The following NBAS variants were observed in gnomAD, a reference collection of about 807,000 sequenced individuals.
The protein encoded by NBAS is NAG/BC035112 fusion.
A neutral mutation model predicts 302.5 loss-of-function variants in NBAS; 219 were observed. That is an observed-to-expected ratio of 0.72 (90% CI 0.65 to 0.81). NBAS has a LOEUF of 0.81. Ranked by LOEUF, NBAS falls within the 30% of genes least tolerant of loss-of-function variation. The pLI, the probability that NBAS is intolerant of heterozygous loss-of-function variation, is 0.00. For missense variants in NBAS, 2,932 were observed against 2,841.6 expected (o/e 1.03, Z -0.72); for synonymous variants, 1,118 against 1,021.6 (o/e 1.09, Z -1.80).
the NBAS span, among the ~76,000 whole-genome samples, chr2:15,034,670 G>A: frequency 6.6e-6 from 1 of 152,016 alleles, no homozygotes; most frequent in Non-Finnish European, 1.5e-5. Flanking sequence ...CTTAAGTGCC[G>A]GTGGACTACT....
the NBAS span, among the ~76,000 whole-genome samples, chr2:15,142,061 C>T: frequency 6.6e-6 from 1 of 152,196 alleles, no homozygotes; most frequent in Non-Finnish European, 1.5e-5. Flanking sequence ...CCTCCAATCA[C>T]TGAATATGGA....
At chr2:15,352,382 CT>C (rs1355808474) in intron 34 of NBAS, among the ~76,000 whole-genome samples, 4 of 152,164 alleles carry the variant, frequency 2.6e-5, no homozygotes, top group African/African-American at 7.2e-5. Flanking sequence ...AAAAATTTGA[CT>C]GGGGGGCATA....
chr2:14,887,148 A>G, the NBAS span, among the ~76,000 whole-genome samples: 1 of 152,314 alleles, frequency 6.6e-6, no homozygotes, highest in East Asian at 1.9e-4. Flanking sequence ...TCACGCCTGT[A>G]ATCCCAGCAT....
the NBAS span, among the ~76,000 whole-genome samples, chr2:15,070,212 C>T: frequency 2.0e-5 from 3 of 152,150 alleles, no homozygotes; most frequent in African/African-American, 7.2e-5. Flanking sequence ...CTCTCTGGCC[C>T]CTTAAGTCCA....
At chr2:15,287,719 C>G (rs893673851) in intron 41 of NBAS, among the ~76,000 whole-genome samples, 1 of 151,398 alleles carries the variant, frequency 6.6e-6, no homozygotes, top group Non-Finnish European at 1.5e-5. Flanking sequence ...CATAGGCATC[C>G]CAGGAATCCC....
chr2:15,427,763 A>G lies in NBAS; in HGVS notation c.2371T>C (p.Trp791Arg), dbSNP rs1311218908. The change falls in exon 22 of 52, where the codon TGG becomes CGG. Residue 791 changes from tryptophan to arginine, a missense_variant. By Grantham distance (101) the Trp-to-Arg change is moderately radical. Coordinates refer to ENST00000281513, the MANE Select transcript of NBAS (RefSeq NM_015909.4). ...FNGDSLMIIP[W>R]HEHKHRAKDW... Reference sequence around the variant, plus strand: ...TTAGCTCGGTGTTTATGTTCATGCCAAGGAATGATCATCAGGGAGTCACCG... The same window carrying G: ...TTAGCTCGGTGTTTATGTTCATGCCGAGGAATGATCATCAGGGAGTCACCG... 1 of 1,613,552 alleles carries G rather than the reference A, an allele frequency of 6.2e-7. No individual in the cohort carries two copies. Among genetic ancestry groups the G allele is most frequent in the Admixed American group, 1.7e-5 (1 of 59,968 alleles).
chr2:14,937,964 A>C, the NBAS span, among the ~76,000 whole-genome samples: 1 of 152,084 alleles, frequency 6.6e-6, no homozygotes, highest in Non-Finnish European at 1.5e-5. Context: ...CCCTGTCTCT[A>C]CTAAAAATAC....
the NBAS span, among the ~76,000 whole-genome samples, chr2:15,015,144 T>C: frequency 6.7e-6 from 1 of 148,388 alleles, no homozygotes; most frequent in Non-Finnish European, 1.5e-5. Context: ...TAATAAGAAG[T>C]TTCCCAAAAA....
chr2:15,553,869 TCCCTCTCTCTCTCC>T (rs1664511116), intron 4 of NBAS, among the ~76,000 whole-genome samples, 178 bp downstream of exon 4: 1 of 33,786 alleles, frequency 3.0e-5, no homozygotes, highest in Non-Finnish European at 1.4e-4. Context: ...CCTCCCTCTC[TCCCTCTCTCTCTCC>T]CTCTCTCTCT....
At chr2:15,447,980 T>C (rs1007503225) in intron 21 of NBAS, among the ~76,000 whole-genome samples, 1 of 152,164 alleles carries the variant, frequency 6.6e-6, no homozygotes, top group Admixed American at 6.5e-5. Flanking sequence ...GAAGGCTGTG[T>C]CCTCACATGG....
chr2:15,067,159 C>CAAAAAAAAA, the NBAS span, among the ~76,000 whole-genome samples: 3 of 93,346 alleles, frequency 3.2e-5, no homozygotes, highest in African/African-American at 1.0e-4. Flanking sequence ...CTTATCTCCA[C>CAAAAAAAAA]AAAAAAAAAA....
At chr2:14,870,973 G>A in the NBAS span, among the ~76,000 whole-genome samples, 1 of 151,476 alleles carries the variant, frequency 6.6e-6, no homozygotes, top group Non-Finnish European at 1.5e-5. Flanking sequence ...AAAAAAGTCT[G>A]AGAGTAAAAA....
intron 13 of NBAS, among the ~76,000 whole-genome samples, chr2:15,476,502 C>T (rs1055445610): frequency 1.3e-5 from 2 of 151,970 alleles, no homozygotes; most frequent in African/African-American, 2.4e-5. Context: ...GTGGGCAGAC[C>T]ACAAGGTCAG....
chr2:14,862,041 A>G, the NBAS span, among the ~76,000 whole-genome samples: 1 of 152,242 alleles, frequency 6.6e-6, no homozygotes, highest in Non-Finnish European at 1.5e-5. Context: ...GTAACAGATC[A>G]GGACACAACT....
At chr2:15,322,390 AAAATAAAT>A (rs748739395) in intron 38 of NBAS, among the ~76,000 whole-genome samples, 3 of 151,916 alleles carry the variant, frequency 2.0e-5, no homozygotes, top group African/African-American at 2.4e-5. Flanking sequence ...AGTATAATAA[AAAATAAAT>A]AAATAAATAA....
intron 44 of NBAS, among the ~76,000 whole-genome samples, chr2:15,256,344 G>C (rs979181831): frequency 1.4e-4 from 21 of 151,622 alleles, no homozygotes; most frequent in African/African-American, 4.6e-4. Context: ...TTGAGTTCTC[G>C]ACTTGATTCT....
the NBAS span, among the ~76,000 whole-genome samples, chr2:15,041,817 G>A: frequency 6.6e-6 from 1 of 152,154 alleles, no homozygotes; most frequent in African/African-American, 2.4e-5. Context: ...GCTTCCAAGG[G>A]CTCTGCCGGC....
intron 35 of NBAS, among the ~76,000 whole-genome samples, chr2:15,332,306 T>C (rs1672389627): frequency 6.6e-6 from 1 of 152,172 alleles, no homozygotes; most frequent in African/African-American, 2.4e-5. Context: ...CAAATTTCTG[T>C]CACATGGGAA....
At chr2:14,944,394 C>A in the NBAS span, among the ~76,000 whole-genome samples, 1 of 152,214 alleles carries the variant, frequency 6.6e-6, no homozygotes, top group African/African-American at 2.4e-5. Context: ...TCAAGTATCT[C>A]ATTTATTTTT....
Sources: allele counts gnomAD v4.1 joint callset (sites outside exome capture counted in the v4.1 genomes callset), GRCh38; gene constraint gnomAD v4.1.1; transcripts MANE v1.5; gene names NCBI Gene and HGNC (gene_info 2026-07-23, HGNC 2026-07-21).